The following KCNH7 variants were observed in gnomAD, a reference collection of about 807,000 sequenced individuals.
KCNH7 encodes voltage-gated inwardly rectifying potassium channel KCNH7.
KCNH7 carries 49 observed loss-of-function variants against 120.8 expected under a neutral mutation model. That is an observed-to-expected ratio of 0.41 (90% CI 0.32 to 0.51). The LOEUF is 0.51. Ranked by LOEUF, KCNH7 falls within the 20% of genes least tolerant of loss-of-function variation. The pLI is 0.38. For missense variants in KCNH7, 1,097 were observed against 1,446.6 expected, an observed-to-expected ratio of 0.76 and a Z score of 3.92; for synonymous variants, 547 against 516.1, an observed-to-expected ratio of 1.06 and a Z score of -0.81.
At chr2:162,681,509 A>T (rs751768247) in intron 2 of KCNH7, among the ~76,000 whole-genome samples, 1 of 151,760 alleles carries the variant, frequency 6.6e-6, no homozygotes, top group African/African-American at 2.4e-5. Flanking sequence ...AACTAAATCA[A>T]TTTAAGAGAA....
intron 6 of KCNH7, among the ~76,000 whole-genome samples, chr2:162,472,467 A>T (rs1689578464): frequency 6.6e-6 from 1 of 152,240 alleles, no homozygotes; most frequent in African/African-American, 2.4e-5. Context: ...ACATTTATGC[A>T]GCCAGCAGAC....
At chr2:162,826,324 G>A (rs1407086241) in intron 2 of KCNH7, among the ~76,000 whole-genome samples, 1 of 152,068 alleles carries the variant, frequency 6.6e-6, no homozygotes, top group Non-Finnish European at 1.5e-5. Context: ...ATTATTATGA[G>A]AACATGTAGA....
At chr2:162,834,945 A>G (rs1017788997) in intron 2 of KCNH7, among the ~76,000 whole-genome samples, 5 of 152,136 alleles carry the variant, frequency 3.3e-5, no homozygotes, top group African/African-American at 4.8e-5. Flanking sequence ...TTACCACAAT[A>G]TAGACTGTGT....
rs531825824 is a variant in KCNH7, at chr2:162,714,865, C to T, written c.307+121672G>A. On this transcript the variant is annotated intron_variant, in intron 2 of 15. Transcript: ENST00000332142. The stretch of plus-strand genomic sequence containing the variant: ...GTTTAAAAATGTAAACCTATTCTTA[C>T]GGGCTATATAAAAAGAGATAGTGGG... 3.3e-5 allele frequency among the ~76,000 whole-genome samples: 5 copies of T among 152,138 alleles called. No individual in the cohort carries two copies. The South Asian group carries it at 6.2e-4, about 19-fold the overall frequency.
At chr2:162,464,473 G>T (rs1186605886) in intron 6 of KCNH7, among the ~76,000 whole-genome samples, 1 of 152,034 alleles carries the variant, frequency 6.6e-6, no homozygotes, top group Non-Finnish European at 1.5e-5. Context: ...TAGAAATCAA[G>T]CTAGTTTATG....
At chr2:162,818,788 A>C (rs968312247) in intron 2 of KCNH7, among the ~76,000 whole-genome samples, 3 of 152,118 alleles carry the variant, frequency 2.0e-5, no homozygotes, top group Non-Finnish European at 4.4e-5. Context: ...TGCTATTTAC[A>C]GGGTATTGTT....
chr2:162,390,763 C>A (rs988564718), intron 12 of KCNH7, among the ~76,000 whole-genome samples: 1 of 151,866 alleles, frequency 6.6e-6, no homozygotes, highest in Non-Finnish European at 1.5e-5. Flanking sequence ...CCTGCACTTA[C>A]AAGTCTCTCC....
At chr2:162,726,778 T>C (rs747879020) in intron 2 of KCNH7, among the ~76,000 whole-genome samples, 22 of 152,210 alleles carry the variant, frequency 1.4e-4, no homozygotes, top group Non-Finnish European at 2.6e-4. Context: ...GGCTTTTCAA[T>C]TGGCTTCAGT....
At chr2:162,557,974 T>A (rs1574099287) in intron 2 of KCNH7, among the ~76,000 whole-genome samples, 1 of 152,296 alleles carries the variant, frequency 6.6e-6, no homozygotes, top group African/African-American at 2.4e-5. Context: ...GGGAAGATAA[T>A]CCTTTCTATA....
At chr2:162,583,988 T>C (rs1287491594) in intron 2 of KCNH7, among the ~76,000 whole-genome samples, 1 of 152,180 alleles carries the variant, frequency 6.6e-6, no homozygotes, top group Non-Finnish European at 1.5e-5. Context: ...CACATTGATA[T>C]CTATGCATCA....
chr2:162,443,896 T>C (rs1688500488), intron 7 of KCNH7, among the ~76,000 whole-genome samples: 1 of 152,186 alleles, frequency 6.6e-6, no homozygotes, highest in African/African-American at 2.4e-5. Flanking sequence ...CAGCCATCTT[T>C]CTGTTCCTCT....
intron 2 of KCNH7, among the ~76,000 whole-genome samples, chr2:162,599,772 C>T (rs1405067049): frequency 6.6e-6 from 1 of 151,896 alleles, no homozygotes; most frequent in African/African-American, 2.4e-5. Flanking sequence ...ACAAAAATTA[C>T]ATTGTACATT....
At chr2:162,684,752 A>G (rs1350562535) in intron 2 of KCNH7, among the ~76,000 whole-genome samples, 1 of 152,124 alleles carries the variant, frequency 6.6e-6, no homozygotes, top group Non-Finnish European at 1.5e-5. Context: ...TGTTGGTGGG[A>G]GTGTAAATTA....
chr2:162,479,850 C>T (rs1053442817), intron 6 of KCNH7, among the ~76,000 whole-genome samples: 2 of 152,064 alleles, frequency 1.3e-5, no homozygotes, highest in Non-Finnish European at 2.9e-5. Context: ...TTAATCCCTG[C>T]CTTTTAGTCT....
intron 2 of KCNH7, among the ~76,000 whole-genome samples, chr2:162,594,562 A>G (rs924943175): frequency 6.6e-6 from 1 of 152,012 alleles, no homozygotes; most frequent in Non-Finnish European, 1.5e-5. Context: ...AGTCATAAAA[A>G]ACACAGTTAG....
intron 2 of KCNH7, among the ~76,000 whole-genome samples, chr2:162,719,873 G>A (rs1249840512): frequency 6.6e-6 from 1 of 151,924 alleles, no homozygotes; most frequent in Non-Finnish European, 1.5e-5. Flanking sequence ...TGTTTAAATA[G>A]TTCCCTGCAA....
intron 2 of KCNH7, among the ~76,000 whole-genome samples, chr2:162,806,379 C>T (rs929803380): frequency 6.6e-6 from 1 of 152,046 alleles, no homozygotes; most frequent in African/African-American, 2.4e-5. Context: ...TTATAAATTA[C>T]AATTTATTGA....
chr2:162,451,757 A>C (rs144572267), intron 6 of KCNH7, among the ~76,000 whole-genome samples: 2 of 152,048 alleles, frequency 1.3e-5, no homozygotes, highest in Non-Finnish European at 2.9e-5. Context: ...ATGGTCTCTT[A>C]AGCAGGGTAG....
At chr2:162,377,002 C>T (rs1301791914) in intron 14 of KCNH7, among the ~76,000 whole-genome samples, 1 of 152,018 alleles carries the variant, frequency 6.6e-6, no homozygotes, top group Non-Finnish European at 1.5e-5. Flanking sequence ...GTGTTTTGTA[C>T]TTAATATGTG....
Sources: gnomAD v4.1 joint callset for allele counts (sites outside exome capture counted in the v4.1 genomes callset) on GRCh38, gnomAD v4.1.1 for gene constraint, MANE v1.5 for transcripts, NCBI Gene and HGNC (gene_info 2026-07-23, HGNC 2026-07-21) for gene names.